CAPSL: variants seen among roughly 807,000 people sequenced by gnomAD.
CAPSL encodes calcyphosine like.
In CAPSL, 17 loss-of-function variants were observed where a neutral mutation model predicts 21.3. The ratio of observed to expected loss-of-function variants is 0.80; its 90% CI spans 0.55 to 1.20. The LOEUF (loss-of-function observed/expected upper bound fraction) is 1.20. CAPSL is among the 50% of genes most tolerant of loss of function. The pLI, the probability that CAPSL is intolerant of heterozygous loss-of-function variation, is 0.00. For synonymous variants in CAPSL, 102 were observed against 89.3 expected, an observed-to-expected ratio of 1.14 and a Z score of -0.80; for missense variants, 289 against 259.3, an observed-to-expected ratio of 1.11 and a Z score of -0.79.
intron 1 of CAPSL, among the ~76,000 whole-genome samples, chr5:35,931,737 G>T (rs909460181): frequency 6.6e-6 from 1 of 152,182 alleles, no homozygotes; most frequent in Admixed American, 6.5e-5. Flanking sequence ...TAGCTGAATT[G>T]CAATATAGAG....
In CAPSL at chr5:35,909,954, G is replaced by C. The variant is rs1359942792; in HGVS notation, c.437C>G (p.Pro146Arg). 6.2e-7 allele frequency: 1 copy of C among 1,613,738 alleles called. No homozygotes were observed. Among genetic ancestry groups the C allele is most frequent in the South Asian group, 1.1e-5 (1 of 90,972 alleles). ...LREVYNAKHH[P>R]KYQNGEWSEE... is the part of the protein sequence containing the mutation. ...ACTCCATTCCCCATTCTGGTACTTTGGGTGGTGTTTTGCATTATATACTTC... is the reference window on the plus strand; with the variant it reads ...ACTCCATTCCCCATTCTGGTACTTTCGGTGGTGTTTTGCATTATATACTTC... Residue 146 changes from proline to arginine, a missense_variant, in exon 4 of 5, where the codon CCA becomes CGA. Coordinates refer to ENST00000651391, the MANE Select transcript of CAPSL (RefSeq NM_001042625.2).
chr5:35,930,557 G>A (rs1441122330), intron 1 of CAPSL, among the ~76,000 whole-genome samples: 3 of 152,152 alleles, frequency 2.0e-5, no homozygotes, highest in Non-Finnish European at 4.4e-5. Flanking sequence ...CCAAGCCTGA[G>A]AATGATTGTC....
chr5:35,915,118 G>C lies in CAPSL; in HGVS notation c.138-4575C>G, dbSNP rs545988494. On this transcript the variant is annotated intron_variant, in intron 2 of 4. Coordinates refer to ENST00000651391, the MANE Select transcript of CAPSL (RefSeq NM_001042625.2). ...TAAACTAGAAAATCTAGAAGAAATG[G>C]ATAAATTCCTCAACACACACACCCT... Among the ~76,000 whole-genome samples, 92 of 152,222 alleles carry C rather than the reference G, an allele frequency of 6.0e-4. 1 individual carries two copies. The highest frequency in any genetic ancestry group is 3.5e-4 in the Non-Finnish European group (24 of 68,014).
chr5:35,928,991 C>G (rs569246398), intron 1 of CAPSL, among the ~76,000 whole-genome samples: 8 of 152,156 alleles, frequency 5.3e-5, no homozygotes, highest in African/African-American at 1.9e-4. Flanking sequence ...ACATAAGCTA[C>G]GGGAAATACA....
At chr5:35,911,382 T>A (rs990534051) in intron 2 of CAPSL, among the ~76,000 whole-genome samples, 1 of 152,238 alleles carries the variant, frequency 6.6e-6, no homozygotes, top group African/African-American at 2.4e-5. Flanking sequence ...ATAAATCATG[T>A]TAATCATACA....
At chr5:35,912,062 T>C (rs1022014538) in intron 2 of CAPSL, among the ~76,000 whole-genome samples, 13 of 152,172 alleles carry the variant, frequency 8.5e-5, no homozygotes, top group Non-Finnish European at 1.8e-4. Context: ...CAGGAGATTA[T>C]ATCCTGCACC....
At chr5:35,928,964 T>C (rs1738752022) in intron 1 of CAPSL, among the ~76,000 whole-genome samples, 1 of 152,208 alleles carries the variant, frequency 6.6e-6, no homozygotes, top group Non-Finnish European at 1.5e-5. Flanking sequence ...GGTTTTCCTG[T>C]ATCCCTAAGT....
chr5:35,919,493 G>T (rs1310982653), intron 2 of CAPSL, among the ~76,000 whole-genome samples: 2 of 152,146 alleles, frequency 1.3e-5, no homozygotes, highest in East Asian at 3.9e-4. Context: ...GACTCAGGGT[G>T]GAAAGATGGT....
intron 1 of CAPSL, among the ~76,000 whole-genome samples, chr5:35,930,303 TCTTTA>T (rs1738787993): frequency 6.6e-6 from 1 of 152,122 alleles, no homozygotes; most frequent in Admixed American, 6.5e-5. Flanking sequence ...TAAACCATAG[TCTTTA>T]CTTCTTTCTA....
chr5:35,919,516 T>A (rs4024109), intron 2 of CAPSL, among the ~76,000 whole-genome samples: 1 of 151,940 alleles, frequency 6.6e-6, no homozygotes, highest in Non-Finnish European at 1.5e-5. Flanking sequence ...CGGGAGTCAA[T>A]GCTTCACAGA....
At position 35,910,546 on chromosome 5, in the gene CAPSL, G is replaced by A. The variant is rs1257621159; in HGVS notation, c.138-3C>T. 2 of 1,578,872 alleles carry A rather than the reference G, an allele frequency of 1.3e-6. No individual in the cohort carries two copies. Among genetic ancestry groups the A allele is most frequent in the African/African-American group, 1.4e-5 (1 of 73,818 alleles). ...CGTCATCCATAATTCTAAACACTCT[G>A]AAGAAAATACACACAAAAATTCAGA... On this transcript the variant is annotated splice_region_variant and splice_polypyrimidine_tract_variant and intron_variant, in intron 2 of 4. Transcript: ENST00000651391.
chr5:35,907,978 T>G (rs554204905), intron 4 of CAPSL, among the ~76,000 whole-genome samples: 1 of 152,368 alleles, frequency 6.6e-6, no homozygotes, highest in South Asian at 2.1e-4. Context: ...ACATCACTTT[T>G]CAGAAACACT....
chr5:35,906,379 T>C (rs1315936077), intron 4 of CAPSL, among the ~76,000 whole-genome samples: 2 of 152,082 alleles, frequency 1.3e-5, no homozygotes, highest in Admixed American at 1.3e-4. Flanking sequence ...GATGGCCAAG[T>C]AATAGAGTTC....
intron 1 of CAPSL, among the ~76,000 whole-genome samples, chr5:35,921,423 T>A (rs553186567): frequency 1.1e-4 from 16 of 152,336 alleles, no homozygotes; most frequent in African/African-American, 3.8e-4. Flanking sequence ...AATTTCTCTA[T>A]ACTCTCTTTT....
chr5:35,934,558 G>A (rs1250193277), intron 1 of CAPSL, among the ~76,000 whole-genome samples: 1 of 152,214 alleles, frequency 6.6e-6, no homozygotes, highest in Non-Finnish European at 1.5e-5. Context: ...GAAGATCAGA[G>A]GAGAGGAGGA....
rs1345827 is a variant in CAPSL at position 35,904,787 on chromosome 5, C to A, written c.526-141G>T. On this transcript the variant is annotated intron_variant, in intron 4 of 4. Transcript: ENST00000651391. Reference sequence around the variant, plus strand: ...TCATGGCTGAGGAACTGATCTAAAACAAAAGAACAAGTGAAGCTGAGGATG... The same window carrying A: ...TCATGGCTGAGGAACTGATCTAAAAAAAAAGAACAAGTGAAGCTGAGGATG... 0.4 allele frequency: 507,019 copies of A among 1,261,084 alleles called. 104,826 individuals carry two copies. The highest frequency in any genetic ancestry group is 0.45 in the African/African-American group (29,260 of 64,772). 78.1% of individuals were successfully genotyped at this position (1,261,084 alleles called of 1,614,324 possible).
intron 2 of CAPSL, among the ~76,000 whole-genome samples, chr5:35,919,168 A>ATTATATATATATATATATATATAT (rs1328263175): frequency 4.0e-4 from 45 of 112,992 alleles, no homozygotes; most frequent in African/African-American, 1.4e-3. Context: ...ATTAAAAAAA[A>ATTATATATATATATATATATATAT]AAATATATAT....
chr5:35,912,159 G>T (rs1394335101), intron 2 of CAPSL, among the ~76,000 whole-genome samples: 2 of 152,172 alleles, frequency 1.3e-5, no homozygotes, highest in African/African-American at 4.8e-5. Context: ...AGCGAGGCTG[G>T]GGGAGGGATG....
At chr5:35,916,202 G>A (rs9764907) in intron 2 of CAPSL, among the ~76,000 whole-genome samples, 3 of 150,792 alleles carry the variant, frequency 2.0e-5, no homozygotes, top group Non-Finnish European at 4.4e-5. Flanking sequence ...CACTGCTCAA[G>A]GAAATAAAAG....
Sources: gnomAD v4.1 joint callset for allele counts (sites outside exome capture counted in the v4.1 genomes callset) on GRCh38, gnomAD v4.1.1 for gene constraint, MANE v1.5 for transcripts, NCBI Gene and HGNC (gene_info 2026-07-23, HGNC 2026-07-21) for gene names.